ECPAS: variants seen among roughly 807,000 people sequenced by gnomAD.
ECPAS encodes Ecm29 proteasome adaptor and scaffold.
A neutral mutation model predicts 255.1 loss-of-function variants in ECPAS; 70 were observed. The observed-to-expected ratio is 0.27, with a 90% CI of 0.23 to 0.33. The LOEUF (loss-of-function observed/expected upper bound fraction) is 0.33, where lower values mean the gene tolerates loss of function less well. ECPAS is among the 10% of genes least tolerant of loss of function. The probability of loss-of-function intolerance (pLI) is 1.00; values close to 1 mark genes in which losing one functional copy is unlikely to be tolerated. For synonymous variants in ECPAS, 784 were observed against 775.0 expected (o/e 1.01, Z -0.19); for missense variants, 1,817 against 2,206.4 (o/e 0.82, Z 3.54).
At chr9:111,442,909 T>C (rs946345396) in intron 4 of ECPAS, among the ~76,000 whole-genome samples, 4 of 152,170 alleles carry the variant, frequency 2.6e-5, no homozygotes, top group Admixed American at 6.5e-5. Flanking sequence ...CAATGCATGA[T>C]GAACCAAAGG....
At position 111,386,407 on chromosome 9, in the gene ECPAS, G is replaced by A. The variant is rs2098148595; in HGVS notation, c.3497C>T (p.Thr1166Ile). ...EILQDLVKNLTSNMWRVRESS... is the reference protein window; with the variant it reads ...EILQDLVKNLISNMWRVRESS... Reference sequence around the variant, plus strand: ...TTCTCGAACTCGCCACATATTGCTTGTAAGGTTCTTAACCAAATCTTGAAG... The same window carrying A: ...TTCTCGAACTCGCCACATATTGCTTATAAGGTTCTTAACCAAATCTTGAAG... Residue 1166 changes from threonine to isoleucine, a missense_variant, in exon 32 of 50, where the codon ACA becomes ATA. Thr to Ile is a moderately conservative substitution (Grantham distance 89). Transcript: ENST00000684092. The A allele has an allele frequency of 6.2e-7, 1 of 1,602,808 alleles. No homozygotes were observed. Among genetic ancestry groups the A allele is most frequent in the Non-Finnish European group, 8.5e-7 (1 of 1,170,868 alleles).
At chr9:111,425,000 G>A (rs2098219403) in intron 12 of ECPAS, among the ~76,000 whole-genome samples, 1 of 152,034 alleles carries the variant, frequency 6.6e-6, no homozygotes, top group Admixed American at 6.6e-5. Flanking sequence ...GGCCAGTAGA[G>A]ATGGCCAACC....
rs1434714759 is a variant in ECPAS at position 111,417,866 on chromosome 9, T to C, written c.1683+17A>G. On this transcript the variant is annotated intron_variant, in intron 17 of 49. Transcript: ENST00000684092. ...CCATTATGATTTAGACTAATTACCT[T>C]AAGTTGCATGCCATACCTTTTCTTG... is the stretch of plus-strand genomic sequence containing the variant. 5 of 1,540,582 alleles carry C rather than the reference T, an allele frequency of 3.2e-6. No homozygotes were observed. In the East Asian group the frequency reaches 9.6e-5, roughly 30 times the overall value.
At chr9:111,411,840 G>T in intron 21 of ECPAS, 174 bp downstream of exon 21, 1 of 545,890 alleles carries the variant, frequency 1.8e-6, no homozygotes, top group Non-Finnish European at 3.1e-6. Flanking sequence ...ACCCGTATCT[G>T]TTAAGTGAGC....
chr9:111,410,900 A>G, intron 22 of ECPAS, 80 bp downstream of exon 22: 1 of 1,378,890 alleles, frequency 7.3e-7, no homozygotes, highest in South Asian at 1.4e-5. Flanking sequence ...AATGCCATAA[A>G]AAGAAACTGA....
chr9:111,401,101 T>A (rs1173980672), intron 24 of ECPAS, among the ~76,000 whole-genome samples: 6 of 152,098 alleles, frequency 3.9e-5, no homozygotes, highest in East Asian at 1.9e-4. Context: ...TGAAATAACA[T>A]ATTCAAAGTG....
rs75743199 is a variant in ECPAS, at chr9:111,372,138, T to A, written c.4528+291A>T. Among the ~76,000 whole-genome samples the A allele has an allele frequency of 2.9e-3, 446 of 152,266 alleles. 2 individuals are homozygous for A. The highest frequency in any genetic ancestry group is 1.0e-2 in the African/African-American group (414 of 41,558). ...ACTCTAAGGCCACATAAAATCACACTCTTAATTAAAAATGTAAAGCTCTCC... is the reference window on the plus strand; with the variant it reads ...ACTCTAAGGCCACATAAAATCACACACTTAATTAAAAATGTAAAGCTCTCC... On this transcript the variant is annotated intron_variant, in intron 42 of 49. Transcript: ENST00000684092.
At chr9:111,371,936 A>C in intron 42 of ECPAS, 107 bp from the exon 43 acceptor site, 11 of 750,408 alleles carry the variant, frequency 1.5e-5, no homozygotes, top group Non-Finnish European at 2.4e-5. Flanking sequence ...AGTGACTCTC[A>C]ACTGTTAAAA....
rs376941417 is a variant in ECPAS at position 111,433,289 on chromosome 9, A to G, written c.792T>C (p.Ser264=). 1 of 1,613,986 alleles carries G rather than the reference A, an allele frequency of 6.2e-7. No homozygotes were observed. The highest frequency in any genetic ancestry group is 1.3e-5 in the African/African-American group (1 of 75,054). ...CCGTTGCCACACTGTGGCGTGTATC[A>G]CTAGAGGCAATCACCAAGTGGAGAA... ...EAVLHLVIAS[S]DTRHSVATAA... Residue 264 remains serine, a synonymous_variant, in exon 8 of 50, where the codon AGT becomes AGC. Coordinates refer to ENST00000684092, the MANE Select transcript of ECPAS (RefSeq NM_001364929.1).
At position 111,394,121 on chromosome 9, in the gene ECPAS, T is replaced by C. The variant is rs71501679; in HGVS notation, c.2922+39A>G. 6 of 1,544,632 alleles carry C rather than the reference T, an allele frequency of 3.9e-6. No individual in the cohort carries two copies. In the East Asian group the frequency reaches 1.4e-4, roughly 35 times the overall value. ...GCTTTCCTTGCTACTTATAATACTGTGGTTTCCAACAGGGCTGACCACATA... is the reference window on the plus strand; with the variant it reads ...GCTTTCCTTGCTACTTATAATACTGCGGTTTCCAACAGGGCTGACCACATA... On this transcript the variant is annotated intron_variant, in intron 26 of 49. Transcript: ENST00000684092.
chr9:111,410,003 C>A, intron 23 of ECPAS, 38 bp downstream of exon 23: 1 of 1,493,996 alleles, frequency 6.7e-7, no homozygotes, highest in South Asian at 1.2e-5. Flanking sequence ...ATAGAAAGAC[C>A]GAATTCCAGA....
chr9:111,436,974 C>A lies in ECPAS; in HGVS notation c.674G>T (p.Gly225Val). 6.2e-7 allele frequency: 1 copy of A among 1,612,426 alleles called. No individual in the cohort carries two copies. Among genetic ancestry groups the A allele is most frequent in the South Asian group, 1.1e-5 (1 of 90,750 alleles). ...MSFYAAKRVI[G>V]DNPWTPEQLE... ...TTGTTCAGGTGTCCATGGGTTATCA[C>A]CAATAACTCGTTTGGCTGCATAAAA... Residue 225 changes from glycine to valine, a missense_variant, in exon 7 of 50, where the codon GGT (glycine) becomes GTT (valine). Around this residue, in one of 4 missense-constraint regions of ECPAS, gnomAD observed 573 missense variants for 716.2 expected, o/e 0.80. Transcript: ENST00000684092.
intron 9 of ECPAS, among the ~76,000 whole-genome samples, chr9:111,430,289 C>T (rs1194239880): frequency 6.6e-6 from 1 of 152,148 alleles, no homozygotes; most frequent in Admixed American, 6.6e-5. Flanking sequence ...GCAAAGCCTA[C>T]AAAATTTACA....
intron 24 of ECPAS, 43 bp downstream of exon 24, chr9:111,408,528 C>T (rs781427616): frequency 7.4e-6 from 9 of 1,213,124 alleles, no homozygotes; most frequent in East Asian, 2.6e-5. Flanking sequence ...AAGACCAATG[C>T]CTTTTCTCTG....
chr9:111,452,227 T>C (rs1278495389), intron 2 of ECPAS, among the ~76,000 whole-genome samples: 4 of 152,222 alleles, frequency 2.6e-5, no homozygotes, highest in Non-Finnish European at 5.9e-5. Context: ...ACTGTTAAAA[T>C]TGTTTTAGGT....
At chr9:111,373,286 T>C (rs1446420824) in intron 40 of ECPAS, 29 bp downstream of exon 40, 2 of 1,613,018 alleles carry the variant, frequency 1.2e-6, no homozygotes, top group East Asian at 4.5e-5. Context: ...CAAAGAGTTT[T>C]ATTTAACTAA....
At chr9:111,421,568 T>C (rs2098213990) in intron 15 of ECPAS, among the ~76,000 whole-genome samples, 1 of 152,138 alleles carries the variant, frequency 6.6e-6, no homozygotes, top group South Asian at 2.1e-4. Flanking sequence ...ATATGGAATT[T>C]GTCTTTCATC....
intron 24 of ECPAS, among the ~76,000 whole-genome samples, chr9:111,408,345 G>C (rs574684361): frequency 2.0e-5 from 3 of 152,094 alleles, no homozygotes; most frequent in Non-Finnish European, 2.9e-5. Flanking sequence ...ACACTGCACC[G>C]CACTTTGCTC....
intron 2 of ECPAS, among the ~76,000 whole-genome samples, chr9:111,460,106 A>G (rs948107828): frequency 3.2e-4 from 49 of 152,248 alleles, no homozygotes; most frequent in African/African-American, 1.1e-3. Flanking sequence ...AGCGATACAT[A>G]AAAAGGATAA....
Sources: allele counts gnomAD v4.1 joint callset (sites outside exome capture counted in the v4.1 genomes callset), GRCh38; gene constraint gnomAD v4.1.1; regional missense constraint gnomAD v4.1.1; transcripts MANE v1.5; gene names NCBI Gene and HGNC (gene_info 2026-07-23, HGNC 2026-07-21).